POLN: variants seen among roughly 807,000 people sequenced by gnomAD.
The protein encoded by POLN is DNA polymerase nu.
Under a neutral mutation model 113.5 loss-of-function variants are expected in POLN, and 108 were observed. That is an observed-to-expected ratio of 0.95 (90% CI 0.81 to 1.12). POLN has a LOEUF of 1.12. POLN is among the 50% of genes most tolerant of loss of function. The pLI is 0.00. For missense variants in POLN, 1,097 were observed against 1,077.1 expected (o/e 1.02, Z -0.26); for synonymous variants, 386 against 391.5 (o/e 0.99, Z 0.17).
At chr4:2,167,389 T>G (rs1732755308) in intron 13 of POLN, among the ~76,000 whole-genome samples, 1 of 152,126 alleles carries the variant, frequency 6.6e-6, no homozygotes, top group African/African-American at 2.4e-5. Flanking sequence ...GGACCCTTGT[T>G]TCCCACTCAT....
intron 6 of POLN, among the ~76,000 whole-genome samples, chr4:2,193,885 C>T (rs1733513723): frequency 6.6e-6 from 1 of 152,192 alleles, no homozygotes; most frequent in Admixed American, 6.5e-5. Flanking sequence ...CTCTTCTGTA[C>T]TCCTATCCAC....
chr4:2,226,602 T>C (rs1228519439), intron 3 of POLN, among the ~76,000 whole-genome samples: 1 of 151,758 alleles, frequency 6.6e-6, no homozygotes, highest in African/African-American at 2.4e-5. Flanking sequence ...TCTATACTTG[T>C]TTCAAGAAGA....
intron 20 of POLN, among the ~76,000 whole-genome samples, chr4:2,086,976 C>A (rs1730565389): frequency 6.6e-6 from 1 of 152,230 alleles, no homozygotes; most frequent in African/African-American, 2.4e-5. Flanking sequence ...TCCTTTCAGC[C>A]AGGCCACTCC....
At chr4:2,183,466 T>C (rs1733192567) in intron 7 of POLN, among the ~76,000 whole-genome samples, 1 of 152,218 alleles carries the variant, frequency 6.6e-6, no homozygotes, top group South Asian at 2.1e-4. Flanking sequence ...AATAAAGTAC[T>C]GATACATGCC....
chr4:2,220,650 A>G (rs1250078286), intron 3 of POLN, among the ~76,000 whole-genome samples: 2 of 152,186 alleles, frequency 1.3e-5, no homozygotes, highest in Non-Finnish European at 2.9e-5. Flanking sequence ...TGGATTCTTT[A>G]GAGTTTTCTC....
intron 3 of POLN, among the ~76,000 whole-genome samples, chr4:2,225,844 A>C (rs1452941990): frequency 3.3e-5 from 5 of 151,932 alleles, no homozygotes; most frequent in African/African-American, 1.2e-4. Flanking sequence ...CCACACAAAA[A>C]TAAAAAATTA....
chr4:2,232,028 C>A (rs200438056), intron 2 of POLN: 125 of 1,514,268 alleles, frequency 8.3e-5, no homozygotes, highest in Middle Eastern at 5.2e-4. Context: ...ACATAGAATT[C>A]TCTTTCCATT....
intron 16 of POLN, among the ~76,000 whole-genome samples, chr4:2,144,169 G>C (rs1480914899): frequency 1.4e-5 from 2 of 141,888 alleles, no homozygotes; most frequent in East Asian, 4.0e-4. Context: ...TTTTGAGATG[G>C]AGTCTCACTC....
At chr4:2,190,702 T>G (rs1209275385) in intron 7 of POLN, among the ~76,000 whole-genome samples, 1 of 152,076 alleles carries the variant, frequency 6.6e-6, no homozygotes, top group Non-Finnish European at 1.5e-5. Context: ...GATTTAAAAA[T>G]AGGCAAATGA....
At chr4:2,153,744 G>C (rs531377981) in intron 16 of POLN, among the ~76,000 whole-genome samples, 1 of 151,598 alleles carries the variant, frequency 6.6e-6, no homozygotes, top group Admixed American at 6.6e-5. Flanking sequence ...TACCACGCCC[G>C]GCTAATTTTT....
intron 19 of POLN, among the ~76,000 whole-genome samples, chr4:2,123,376 A>G (rs888803449): frequency 6.6e-6 from 1 of 152,104 alleles, no homozygotes; most frequent in South Asian, 2.1e-4. Flanking sequence ...CTGTAATCCC[A>G]GCACTTTGGG....
rs1434381139 is a variant in POLN, at chr4:2,182,278, T to G, written c.1022-2813A>C. Among the ~76,000 whole-genome samples the G allele has an allele frequency of 2.0e-5, 3 of 152,174 alleles. No homozygotes were observed. In the South Asian group the frequency reaches 6.2e-4, roughly 32 times the overall value. On this transcript the variant is annotated intron_variant, in intron 7 of 25. Coordinates refer to ENST00000511885, the MANE Select transcript of POLN (RefSeq NM_181808.4). ...AGGGCCTTTGCAGATACAATTATGG[T>G]AGGAATCTTGAGATGAGATCATCTT... is the stretch of plus-strand genomic sequence containing the variant.
chr4:2,107,640 A>G (rs968585967), intron 19 of POLN, among the ~76,000 whole-genome samples: 1 of 152,180 alleles, frequency 6.6e-6, no homozygotes, highest in African/African-American at 2.4e-5. Flanking sequence ...GCGAAGAGAG[A>G]AAAGGCCTAA....
chr4:2,228,784 A>G (rs1439538748), intron 3 of POLN: 1 of 248,238 alleles, frequency 4.0e-6, no homozygotes, highest in Non-Finnish European at 7.8e-6. Flanking sequence ...AGCAAATACT[A>G]TGTACAGGTT....
chr4:2,202,017 A>G (rs1375509708), intron 5 of POLN, among the ~76,000 whole-genome samples: 1 of 152,230 alleles, frequency 6.6e-6, no homozygotes, highest in East Asian at 1.9e-4. Flanking sequence ...ACAACTGTTA[A>G]AAGGAGTTCT....
At chr4:2,139,524 A>G (rs1731944151) in intron 16 of POLN, 1 of 152,250 alleles carries the variant, frequency 6.6e-6, no homozygotes, top group Admixed American at 6.5e-5. Flanking sequence ...AATGCACAGA[A>G]AGTACCAGAA....
chr4:2,214,631 AG>A (rs1734069212), intron 3 of POLN, among the ~76,000 whole-genome samples: 1 of 152,188 alleles, frequency 6.6e-6, no homozygotes, highest in African/African-American at 2.4e-5. Context: ...ACAGGGGAAG[AG>A]GTAGTCTCAT....
At chr4:2,078,288 G>A (rs1413630577) in intron 23 of POLN, among the ~76,000 whole-genome samples, 2 of 152,226 alleles carry the variant, frequency 1.3e-5, no homozygotes, top group Admixed American at 1.3e-4. Context: ...ACAGAGGCCT[G>A]TGAACGCTGG....
In POLN at chr4:2,081,134, C is replaced by T. The variant is rs540028094; in HGVS notation, c.2309-98G>A. On this transcript the variant is annotated intron_variant, in intron 22 of 25. Transcript: ENST00000511885. Reference sequence around the variant, plus strand: ...CGCCACAGCTCTCACGGTACCTCCACACAGAGGTGCTGGCTCTGAGCTGTC... The same window carrying T: ...CGCCACAGCTCTCACGGTACCTCCATACAGAGGTGCTGGCTCTGAGCTGTC... 2.1e-5 allele frequency: 33 copies of T among 1,603,978 alleles called. No individual in the cohort carries two copies. The African/African-American group carries it at 3.5e-4, about 17-fold the overall frequency.
Sources: gnomAD v4.1 joint callset for allele counts (sites outside exome capture counted in the v4.1 genomes callset) on GRCh38, gnomAD v4.1.1 for gene constraint, MANE v1.5 for transcripts, NCBI Gene and HGNC (gene_info 2026-07-23, HGNC 2026-07-21) for gene names.